GRID2: variants seen among roughly 807,000 people sequenced by gnomAD.
The protein encoded by GRID2 is glutamate ionotropic receptor delta type subunit 2.
In GRID2, 33 loss-of-function variants were observed where a neutral mutation model predicts 114.8. That is an observed-to-expected ratio of 0.29 (90% CI 0.22 to 0.38). The LOEUF is 0.38. Ranked by LOEUF, GRID2 falls within the 10% of genes least tolerant of loss-of-function variation. The pLI, the probability that GRID2 is intolerant of heterozygous loss-of-function variation, is 1.00. For missense variants in GRID2, 1,184 were observed against 1,257.7 expected (o/e 0.94, Z 0.89); for synonymous variants, 505 against 449.9 (o/e 1.12, Z -1.55).
chr4:93,752,379 T>TATTC (rs964181443), intron 14 of GRID2, among the ~76,000 whole-genome samples: 27 of 152,060 alleles, frequency 1.8e-4, no homozygotes, highest in African/African-American at 6.5e-4. Flanking sequence ...TTTATTTATT[T>TATTC]ATTTATTTTG....
chr4:93,038,481 A>T (rs1266914576), intron 2 of GRID2, among the ~76,000 whole-genome samples: 1 of 152,122 alleles, frequency 6.6e-6, no homozygotes, highest in East Asian at 1.9e-4. Context: ...GCCAGTTAGA[A>T]TGGCGATTAT....
chr4:93,198,542 C>A (rs952449444), intron 4 of GRID2, among the ~76,000 whole-genome samples: 5 of 152,056 alleles, frequency 3.3e-5, no homozygotes, highest in African/African-American at 1.2e-4. Context: ...AAAATACGTA[C>A]AACATGGCCC....
intron 2 of GRID2, among the ~76,000 whole-genome samples, chr4:92,941,897 C>T (rs1453848031): frequency 1.3e-5 from 2 of 152,170 alleles, no homozygotes; most frequent in East Asian, 1.9e-4. Flanking sequence ...CTTTCTTCAT[C>T]CTGAGTTCTA....
intron 2 of GRID2, among the ~76,000 whole-genome samples, chr4:92,964,986 CTAGCT>C (rs1205526101): frequency 6.6e-6 from 1 of 151,994 alleles, no homozygotes; most frequent in African/African-American, 2.4e-5. Context: ...TGCAAGAGGC[CTAGCT>C]TTCAGCTTAT....
intron 2 of GRID2, among the ~76,000 whole-genome samples, chr4:92,955,082 G>A (rs1220393296): frequency 9.0e-6 from 1 of 111,266 alleles, no homozygotes; most frequent in Non-Finnish European, 1.8e-5. Context: ...ACATACATGT[G>A]CATGTGTCTT....
chr4:93,513,297 G>C (rs1729377939), intron 12 of GRID2, among the ~76,000 whole-genome samples: 1 of 152,072 alleles, frequency 6.6e-6, no homozygotes, highest in Non-Finnish European at 1.5e-5. Flanking sequence ...CCACTTTTGG[G>C]TATCCTCCAC....
intron 9 of GRID2, among the ~76,000 whole-genome samples, chr4:93,397,619 G>T (rs1256841697): frequency 1.3e-5 from 2 of 151,896 alleles, no homozygotes; most frequent in Admixed American, 6.6e-5. Flanking sequence ...ATAGAATCTT[G>T]TTAGGTTGAT....
At chr4:93,024,822 T>G (rs1723736016) in intron 2 of GRID2, among the ~76,000 whole-genome samples, 1 of 151,752 alleles carries the variant, frequency 6.6e-6, no homozygotes, top group Non-Finnish European at 1.5e-5. Context: ...ATTATAAAGA[T>G]TACATTAACA....
chr4:92,945,950 G>A (rs564173031), intron 2 of GRID2, among the ~76,000 whole-genome samples: 99 of 152,074 alleles, frequency 6.5e-4, no homozygotes, highest in Non-Finnish European at 1.1e-3. Flanking sequence ...TTTTATTAGC[G>A]CATGCCTTTT....
At chr4:92,628,861 A>T (rs1730653171) in intron 2 of GRID2, among the ~76,000 whole-genome samples, 1 of 152,028 alleles carries the variant, frequency 6.6e-6, no homozygotes, top group South Asian at 2.1e-4. Context: ...GTCGTCTCCA[A>T]ATCACTTGAA....
In GRID2 at chr4:93,774,366, A is replaced by G. The variant is rs1734300581; in HGVS notation, c.*1868A>G. ...TCTTTACAACAAGCTATATAGGGACATACCAGATGTTGCAGTGATTTTAGC... is the reference window on the plus strand; with the variant it reads ...TCTTTACAACAAGCTATATAGGGACGTACCAGATGTTGCAGTGATTTTAGC... On this transcript the variant is annotated 3_prime_UTR_variant, in exon 16 of 16. Transcript: ENST00000282020. 6.6e-6 allele frequency: 1 copy of G among 152,142 alleles called. No homozygotes were observed. Among genetic ancestry groups the G allele is most frequent in the African/African-American group, 2.4e-5 (1 of 41,464 alleles). 9.4% of individuals were successfully genotyped at this position (152,142 alleles called of 1,614,324 possible). A position where few individuals can be genotyped will look rare whatever the true frequency, so the allele number is the denominator to read the frequency against.
chr4:92,816,250 G>A (rs1302698380), intron 2 of GRID2, among the ~76,000 whole-genome samples: 1 of 143,222 alleles, frequency 7.0e-6, no homozygotes, highest in African/African-American at 2.6e-5. Flanking sequence ...GGGAGGCGGA[G>A]TATGTGGTGA....
At chr4:92,922,132 A>C (rs1749403717) in intron 2 of GRID2, among the ~76,000 whole-genome samples, 1 of 152,092 alleles carries the variant, frequency 6.6e-6, no homozygotes, top group African/African-American at 2.4e-5. Flanking sequence ...CCGTGGGTGT[A>C]GGACCCTCTG....
intron 2 of GRID2, among the ~76,000 whole-genome samples, chr4:92,911,535 TAAAAC>T (rs1748381121): frequency 1.3e-5 from 2 of 152,108 alleles, no homozygotes; most frequent in Admixed American, 6.6e-5. Context: ...ACTGCCATGA[TAAAAC>T]AAATACTATG....
At chr4:92,650,988 CAT>C (rs1227314848) in intron 2 of GRID2, among the ~76,000 whole-genome samples, 2 of 152,018 alleles carry the variant, frequency 1.3e-5, no homozygotes, top group East Asian at 1.9e-4. Flanking sequence ...TGATGGGAAA[CAT>C]AGTTGTACCA....
chr4:93,431,532 A>G (rs1769407122), intron 10 of GRID2, among the ~76,000 whole-genome samples: 1 of 152,222 alleles, frequency 6.6e-6, no homozygotes, highest in Non-Finnish European at 1.5e-5. Flanking sequence ...TAGATTGGCC[A>G]TTTGGGAGTT....
At chr4:92,745,556 T>C (rs1169022406) in intron 2 of GRID2, among the ~76,000 whole-genome samples, 1 of 152,186 alleles carries the variant, frequency 6.6e-6, no homozygotes, top group African/African-American at 2.4e-5. Context: ...GAAGAGATAT[T>C]TTAATACTAG....
At chr4:92,621,071 A>ATG (rs918799374) in intron 2 of GRID2, among the ~76,000 whole-genome samples, 4 of 150,736 alleles carry the variant, frequency 2.7e-5, no homozygotes, top group African/African-American at 9.7e-5. Context: ...TTTTAAGTTG[A>ATG]GGGGTACATG....
chr4:93,625,071 T>A (rs997378063), intron 13 of GRID2, among the ~76,000 whole-genome samples: 3 of 152,222 alleles, frequency 2.0e-5, no homozygotes, highest in African/African-American at 4.8e-5. Context: ...ACAGGAGATA[T>A]AGCTCATCAG....
Sources: allele counts gnomAD v4.1 joint callset (sites outside exome capture counted in the v4.1 genomes callset), GRCh38; gene constraint gnomAD v4.1.1; transcripts MANE v1.5; gene names NCBI Gene and HGNC (gene_info 2026-07-23, HGNC 2026-07-21).